Variants in PRLR observed in about 807,000 individuals in gnomAD.
The protein encoded by PRLR is prolactin receptor, also known as hPRL receptor.
Under a neutral mutation model 40.2 loss-of-function variants are expected in PRLR, and 13 were observed. The observed-to-expected ratio is 0.32, with a 90% CI of 0.21 to 0.51. The LOEUF (loss-of-function observed/expected upper bound fraction) is 0.51. Ranked by LOEUF, PRLR falls within the 20% of genes least tolerant of loss-of-function variation. The pLI, the probability that PRLR is intolerant of heterozygous loss-of-function variation, is 0.97. For missense variants in PRLR, 656 were observed against 747.3 expected, an observed-to-expected ratio of 0.88 and a Z score of 1.42; for synonymous variants, 269 against 278.7, an observed-to-expected ratio of 0.97 and a Z score of 0.35.
Position 35,203,590 on chromosome 5 carries a change from A to G in PRLR, c.-106+26678T>C, listed in dbSNP as rs552729332. ...GTGGCCTGAAGGAGAGGGGTAGAGA[A>G]ACCTACTTAATGAAACTCCAGTGGT... On this transcript the variant is annotated intron_variant, in intron 1 of 9. Transcript: ENST00000618457. Among the ~76,000 whole-genome samples the G allele has an allele frequency of 2.8e-3, 426 of 152,286 alleles. 2 individuals are homozygous for G. Among genetic ancestry groups the G allele is most frequent in the African/African-American group, 9.8e-3 (408 of 41,566 alleles).
intron 1 of PRLR, among the ~76,000 whole-genome samples, chr5:35,199,874 CT>C (rs1211733517): frequency 6.6e-6 from 1 of 152,098 alleles, no homozygotes; most frequent in Non-Finnish European, 1.5e-5. Flanking sequence ...AAACTCAGGA[CT>C]GAGTGAATAT....
intron 1 of PRLR, among the ~76,000 whole-genome samples, chr5:35,184,177 T>G (rs1775364941): frequency 6.6e-6 from 1 of 152,186 alleles, no homozygotes; most frequent in South Asian, 2.1e-4. Context: ...AAGGTTATCC[T>G]CAGAAGAGTA....
At chr5:35,172,817 T>G (rs913838387) in intron 1 of PRLR, among the ~76,000 whole-genome samples, 2 of 152,200 alleles carry the variant, frequency 1.3e-5, no homozygotes, top group Admixed American at 1.3e-4. Context: ...TCTGGGGTTA[T>G]AGAGGGGACT....
intron 1 of PRLR, among the ~76,000 whole-genome samples, chr5:35,185,986 C>T (rs747339553): frequency 1.3e-5 from 2 of 152,108 alleles, no homozygotes; most frequent in Non-Finnish European, 2.9e-5. Flanking sequence ...ACCCACTGAG[C>T]CTTGCTGGGC....
downstream of PRLR, among the ~76,000 whole-genome samples, chr5:35,054,218 A>C (rs1768614040): frequency 3.3e-5 from 5 of 152,394 alleles, 1 homozygote; most frequent in Middle Eastern, 0.017. Context: ...GGTACACATC[A>C]GTAAAACTGC....
chr5:35,090,959 C>T (rs1251805689), intron 2 of PRLR, among the ~76,000 whole-genome samples: 1 of 151,322 alleles, frequency 6.6e-6, no homozygotes, highest in Non-Finnish European at 1.5e-5. Context: ...TACAGGAGCC[C>T]CCCACGATGC....
At chr5:35,073,207 C>A (rs971859857) in intron 5 of PRLR, among the ~76,000 whole-genome samples, 5 of 152,176 alleles carry the variant, frequency 3.3e-5, no homozygotes, top group African/African-American at 1.2e-4. Context: ...CATAACTCTG[C>A]AGATAACAGG....
At chr5:35,222,030 T>C (rs1319252118) in intron 1 of PRLR, among the ~76,000 whole-genome samples, 1 of 152,096 alleles carries the variant, frequency 6.6e-6, no homozygotes, top group Non-Finnish European at 1.5e-5. Flanking sequence ...GTTGGCCGGG[T>C]GCAATGGCTC....
intron 2 of PRLR, among the ~76,000 whole-genome samples, chr5:35,099,496 T>C (rs1344054147): frequency 6.6e-6 from 1 of 152,226 alleles, no homozygotes; most frequent in Non-Finnish European, 1.5e-5. Context: ...GTATTTACTA[T>C]ACTATACTTT....
chr5:35,209,059 G>C (rs1182326533), intron 1 of PRLR, among the ~76,000 whole-genome samples: 2 of 151,782 alleles, frequency 1.3e-5, no homozygotes, highest in Admixed American at 6.6e-5. Flanking sequence ...ACACTAAGTA[G>C]AAAGAATTTG....
intron 1 of PRLR, among the ~76,000 whole-genome samples, chr5:35,138,015 T>C (rs960661916): frequency 1.3e-5 from 2 of 152,230 alleles, no homozygotes; most frequent in African/African-American, 4.8e-5. Flanking sequence ...CATTTGTTCT[T>C]ATACACACAT....
At chr5:35,218,231 A>G (rs919227510) in intron 1 of PRLR, among the ~76,000 whole-genome samples, 1 of 152,172 alleles carries the variant, frequency 6.6e-6, no homozygotes, top group Non-Finnish European at 1.5e-5. Flanking sequence ...GAAATACCTG[A>G]CACATATCAT....
intron 5 of PRLR, among the ~76,000 whole-genome samples, chr5:35,082,204 A>G (rs1579602707): frequency 6.6e-6 from 1 of 152,204 alleles, no homozygotes; most frequent in East Asian, 1.9e-4. Flanking sequence ...TAAAAAAAGA[A>G]AATTGCCATC....
At chr5:35,187,984 C>T (rs551556751) in intron 1 of PRLR, among the ~76,000 whole-genome samples, 1 of 152,322 alleles carries the variant, frequency 6.6e-6, no homozygotes, top group Non-Finnish European at 1.5e-5. Context: ...TCTCCCTCAA[C>T]TGTTAACTGC....
intron 1 of PRLR, among the ~76,000 whole-genome samples, chr5:35,128,425 T>C (rs1773541747): frequency 6.6e-6 from 1 of 151,868 alleles, no homozygotes; most frequent in South Asian, 2.1e-4. Context: ...TTACTTATAA[T>C]ACTGAATACA....
intron 1 of PRLR, among the ~76,000 whole-genome samples, chr5:35,137,207 G>T (rs1455295266): frequency 6.6e-6 from 1 of 152,132 alleles, no homozygotes; most frequent in African/African-American, 2.4e-5. Flanking sequence ...AGAAAACAAG[G>T]CTTGGAGAAG....
intron 1 of PRLR, among the ~76,000 whole-genome samples, chr5:35,146,542 C>T (rs2062699): frequency 0.79 from 120,426 of 152,096 alleles, 50,350 homozygotes; most frequent in Non-Finnish European, 0.92. Context: ...GGAGGACCTC[C>T]ATGTCTCATG....
intron 1 of PRLR, among the ~76,000 whole-genome samples, chr5:35,209,515 G>T (rs1403416264): frequency 6.6e-6 from 1 of 152,132 alleles, no homozygotes; most frequent in East Asian, 1.9e-4. Flanking sequence ...CAGTCCTGGA[G>T]GATAAACCAA....
intron 1 of PRLR, among the ~76,000 whole-genome samples, chr5:35,158,696 G>A (rs1276392659): frequency 6.6e-6 from 1 of 152,040 alleles, no homozygotes; most frequent in Non-Finnish European, 1.5e-5. Context: ...ACTCAAGCAA[G>A]GACGGTGGCT....
Sources: allele counts gnomAD v4.1 joint callset (sites outside exome capture counted in the v4.1 genomes callset), GRCh38; gene constraint gnomAD v4.1.1; transcripts MANE v1.5; gene names NCBI Gene and HGNC (gene_info 2026-07-23, HGNC 2026-07-21).